Variants in WBP2 observed in about 807,000 individuals in gnomAD.
WBP2 encodes WW domain binding protein 2, also known as WW domain-binding protein 2.
WBP2 carries 23 observed loss-of-function variants against 33.0 expected under a neutral mutation model. The ratio of observed to expected loss-of-function variants is 0.70; its 90% CI spans 0.50 to 0.99. The LOEUF (loss-of-function observed/expected upper bound fraction) is 0.99, where lower values mean the gene tolerates loss of function less well. WBP2 is among the 50% of genes least tolerant of loss of function. WBP2 has a pLI of 0.00. For synonymous variants in WBP2, 153 were observed against 133.5 expected (o/e 1.15, Z -1.01); for missense variants, 353 against 358.0 (o/e 0.99, Z 0.11).
Position 75,845,957 on chromosome 17 carries a change from G to C in WBP2, c.*777C>G, listed in dbSNP as rs1445791238. The C allele has an allele frequency of 2.0e-5, 3 of 152,468 alleles. No individual in the cohort carries two copies. The highest frequency in any genetic ancestry group is 1.3e-4 in the Admixed American group (2 of 15,280). The allele number at this position is 152,468 out of a possible 1,614,324, so 9.4% of individuals were successfully genotyped here. On this transcript the variant is annotated 3_prime_UTR_variant, in exon 8 of 8. Transcript: ENST00000254806. ...GTCCCGGCCAGCACACAGGGTCAGG[G>C]GCCCTTGTTCCCGGCCCCACCCAGC... is the stretch of plus-strand genomic sequence containing the variant.
intron 4 of WBP2, 31 bp downstream of exon 4, chr17:75,848,539 C>A (rs760349220): frequency 1.7e-5 from 28 of 1,601,048 alleles, no homozygotes; most frequent in Non-Finnish European, 2.3e-5. Context: ...TTTAGTGTGT[C>A]TTTAGCCCCT....
At chr17:75,847,462 G>C (rs1599420339) in intron 6 of WBP2, 25 bp downstream of exon 6, 2 of 1,583,558 alleles carry the variant, frequency 1.3e-6, no homozygotes, top group Non-Finnish European at 1.7e-6. Flanking sequence ...GTCCCGAAGG[G>C]CTGCCAGCAC....
At chr17:75,847,303 G>T in intron 6 of WBP2, 184 bp downstream of exon 6, 1 of 983,984 alleles carries the variant, frequency 1.0e-6, no homozygotes, top group Non-Finnish European at 1.5e-6. Flanking sequence ...GCTAAGGGAT[G>T]GGGGTGGGGC....
chr17:75,848,782 T>C (rs1166868424), intron 3 of WBP2, 120 bp from the exon 4 acceptor site: 2 of 833,696 alleles, frequency 2.4e-6, no homozygotes, highest in African/African-American at 1.7e-5. Context: ...GGGCTGGGCC[T>C]GCACTGTGAT....
Position 75,855,270 on chromosome 17 carries a change from C to T in WBP2, c.28G>A (p.Gly10Ser). MALNKNHSE[G>S]GGVIVNNTES... ...GTGTTATTGACGATCACTCCGCCGCCCTCCGAGTGATTCTTGTTGAGCGCC... is the reference window on the plus strand; with the variant it reads ...GTGTTATTGACGATCACTCCGCCGCTCTCCGAGTGATTCTTGTTGAGCGCC... The change falls in exon 1 of 8, where the codon GGC becomes AGC. Residue 10 changes from glycine (G) to serine (S), a missense_variant. Gly to Ser is a moderately conservative substitution (Grantham distance 56, BLOSUM62 0). Transcript: ENST00000254806. 1 of 1,613,034 alleles carries T rather than the reference C, an allele frequency of 6.2e-7. No individual in the cohort carries two copies. The highest frequency in any genetic ancestry group is 8.5e-7 in the Non-Finnish European group (1 of 1,179,960).
chr17:75,853,661 G>C (rs1026332937), intron 1 of WBP2, among the ~76,000 whole-genome samples: 1 of 152,070 alleles, frequency 6.6e-6, no homozygotes, highest in Middle Eastern at 3.2e-3. Context: ...ATGATAAAAA[G>C]GTTCACACGG....
In WBP2 at chr17:75,846,525, T is replaced by C; in HGVS notation, c.*209A>G. ...GTGAGGGAGGTACGCTGGGCAGCACTGTGGGCTCCGGGCTGGCATGGGAAG... is the reference window on the plus strand; with the variant it reads ...GTGAGGGAGGTACGCTGGGCAGCACCGTGGGCTCCGGGCTGGCATGGGAAG... On this transcript the variant is annotated 3_prime_UTR_variant, in exon 8 of 8. Coordinates refer to ENST00000254806, the MANE Select transcript of WBP2 (RefSeq NM_012478.4). This position sits in a 1 kb window ranked among gnomAD's most constrained non-coding sequence, Gnocchi z 4.8. 2 of 649,868 alleles carry C rather than the reference T, an allele frequency of 3.1e-6. No homozygotes were observed. Among genetic ancestry groups the C allele is most frequent in the Non-Finnish European group, 5.4e-6 (2 of 368,214 alleles). 40.3% of individuals were successfully genotyped at this position (649,868 alleles called of 1,614,324 possible).
chr17:75,856,116 G>C (rs1346706164), upstream of WBP2: 1 of 152,340 alleles, frequency 6.6e-6, no homozygotes, highest in Non-Finnish European at 1.5e-5. Flanking sequence ...TGAAGGCTGA[G>C]TGGGACTGGG....
rs2143916654 is a variant in WBP2, at chr17:75,847,621, G to C, written c.533-12C>G. ...TCCTGGATAGAACTCTGCTCGGTGA[G>C]AGAGTAACAAGGACATGGTGAGCAC... is the stretch of plus-strand genomic sequence containing the variant. On this transcript the variant is annotated splice_polypyrimidine_tract_variant and intron_variant, in intron 5 of 7. Transcript: ENST00000254806. 1 of 1,613,016 alleles carries C rather than the reference G, an allele frequency of 6.2e-7. No homozygotes were observed. The highest frequency in any genetic ancestry group is 1.1e-5 in the South Asian group (1 of 91,056).
chr17:75,853,002 A>G (rs1050624650), intron 1 of WBP2, among the ~76,000 whole-genome samples: 3 of 152,136 alleles, frequency 2.0e-5, no homozygotes, highest in Admixed American at 6.5e-5. Flanking sequence ...ATCATTGTCA[A>G]AGGAGTTCAC....
rs200534175 is a variant in WBP2, at chr17:75,846,915, A to G, written c.725T>C (p.Met242Thr). Residue 242 changes from methionine (M) to threonine (T), a missense_variant, in exon 7 of 8, where the codon ATG (methionine) becomes ACG (threonine). By Grantham distance (81) the Met-to-Thr change is moderately conservative (BLOSUM62 -1). Transcript: ENST00000254806. This position sits in a 1 kb window ranked among gnomAD's most constrained non-coding sequence, Gnocchi z 4.8. ...YNPGNPHNVY[M>T]PTSQPPPPPY... ...ACTGCCAAGCCCTCTCACCGTGGGCATGTAGACGTTGTGAGGATTGCCTGG... is the reference window on the plus strand; with the variant it reads ...ACTGCCAAGCCCTCTCACCGTGGGCGTGTAGACGTTGTGAGGATTGCCTGG... The G allele has an allele frequency of 1.4e-5, 23 of 1,614,110 alleles. No homozygotes were observed. The highest frequency in any genetic ancestry group is 1.3e-4 in the Admixed American group (8 of 60,010).
Position 75,846,836 on chromosome 17 carries a change from G to T in WBP2, c.733-49C>A. On this transcript the variant is annotated intron_variant, in intron 7 of 7. Transcript: ENST00000254806. The surrounding 1 kb of genome is among the most constrained non-coding windows in gnomAD (Gnocchi z 4.8). ...CTTGCATTAGAAGGTTTAAAACATG[G>T]TGCGGTCATCCCCCTGCGGCTCCCA... The T allele has an allele frequency of 6.2e-7, 1 of 1,608,614 alleles. No individual in the cohort carries two copies.
upstream of WBP2, chr17:75,855,538 C>G (rs373878452): frequency 1.8e-6 from 1 of 570,376 alleles, no homozygotes; most frequent in African/African-American, 1.9e-5. Flanking sequence ...CAGCCTCGGC[C>G]TGTCCCTATG....
chr17:75,847,545 G>C lies in WBP2; in HGVS notation c.597C>G (p.Pro199=). 6.2e-7 allele frequency: 1 copy of C among 1,601,146 alleles called. No homozygotes were observed. The highest frequency in any genetic ancestry group is 8.5e-7 in the Non-Finnish European group (1 of 1,173,050). Residue 199 remains proline (P), a synonymous_variant, in exon 6 of 8, where the codon CCC becomes CCG. Transcript: ENST00000254806. The part of the protein sequence containing the change: ...AMGYVQPPPP[P]YPGPMEPPVS... ...CCGGAGGTTCCATGGGCCCAGGGTA[G>C]GGCGGTGGTGGGGGCTGCACGTATC...
intron 5 of WBP2, 60 bp downstream of exon 5, chr17:75,847,736 G>T (rs969290755): frequency 2.6e-6 from 4 of 1,526,438 alleles, no homozygotes; most frequent in Non-Finnish European, 3.6e-6. Context: ...TCCCTGGCCT[G>T]GGGGGAGCCT....
upstream of WBP2, chr17:75,855,426 C>G (rs1272615187): frequency 3.8e-5 from 37 of 983,548 alleles, no homozygotes; most frequent in Non-Finnish European, 5.4e-5. Flanking sequence ...GGCCCAAACA[C>G]CTGACCCGAA....
chr17:75,849,732 A>T lies in WBP2; in HGVS notation c.176T>A (p.Phe59Tyr), dbSNP rs751974141. The change falls in exon 3 of 8, where the codon TTT (phenylalanine) becomes TAT (tyrosine). Residue 59 changes from phenylalanine to tyrosine, a missense_variant. Coordinates refer to ENST00000254806, the MANE Select transcript of WBP2 (RefSeq NM_012478.4). ...TVYLTPYRVI[F>Y]LSKGKDAMQS... The stretch of plus-strand genomic sequence containing the variant: ...CATGGCATCCTTGCCCTTGGACAGA[A>T]AGATGACCTGCAGGGAGAGAGGGTG... 1.2e-6 allele frequency: 2 copies of T among 1,614,084 alleles called. No individual in the cohort carries two copies. The highest frequency in any genetic ancestry group is 3.3e-5 in the Admixed American group (2 of 60,032).
intron 5 of WBP2, 86 bp from the exon 6 acceptor site, chr17:75,847,695 T>C (rs2065002897): frequency 3.1e-6 from 5 of 1,587,970 alleles, no homozygotes; most frequent in East Asian, 2.2e-5. Context: ...AGCTCCTTCG[T>C]TGGTCCTGAA....
At position 75,846,686 on chromosome 17, in the gene WBP2, A is replaced by C. The variant is rs1354166758; in HGVS notation, c.*48T>G. 6.7e-7 allele frequency: 1 copy of C among 1,497,162 alleles called. No individual in the cohort carries two copies. Among genetic ancestry groups the C allele is most frequent in the East Asian group, 2.5e-5 (1 of 40,698 alleles). The allele number at this position is 1,497,162 out of a possible 1,614,324, so 92.7% of individuals were successfully genotyped here. On this transcript the variant is annotated 3_prime_UTR_variant, in exon 8 of 8. Transcript: ENST00000254806. This position sits in a 1 kb window ranked among gnomAD's most constrained non-coding sequence, Gnocchi z 4.8. Reference sequence around the variant, plus strand: ...CAAGCCCCAGCACAGCCCCGATGGGAGGGGTAGGGTAGAGAGATGAGGGTG... The same window carrying C: ...CAAGCCCCAGCACAGCCCCGATGGGCGGGGTAGGGTAGAGAGATGAGGGTG...
Sources: allele counts gnomAD v4.1 joint callset (sites outside exome capture counted in the v4.1 genomes callset), GRCh38; gene constraint gnomAD v4.1.1; non-coding constraint Gnocchi (gnomAD v3.1); transcripts MANE v1.5; gene names NCBI Gene and HGNC (gene_info 2026-07-23, HGNC 2026-07-21).